Variants in TRIM16 observed in about 807,000 individuals in gnomAD.
TRIM16 encodes tripartite motif containing 16.
A neutral mutation model predicts 50.4 loss-of-function variants in TRIM16; 33 were observed. The ratio of observed to expected loss-of-function variants is 0.65; its 90% CI spans 0.50 to 0.88. The LOEUF is 0.88. Among genes scored for constraint, TRIM16 ranks in the 40% least tolerant of loss-of-function variants. The pLI, the probability that TRIM16 is intolerant of heterozygous loss-of-function variation, is 0.00. For missense variants in TRIM16, 581 were observed against 686.8 expected, an observed-to-expected ratio of 0.85 and a Z score of 1.72; for synonymous variants, 229 against 270.7, an observed-to-expected ratio of 0.85 and a Z score of 1.51.
chr17:15,670,693 A>G (rs1331550181), intron 6 of TRIM16, among the ~76,000 whole-genome samples: 3 of 151,794 alleles, frequency 2.0e-5, no homozygotes, highest in Non-Finnish European at 2.9e-5. Flanking sequence ...TTTCTATACA[A>G]TTGTAAGTAT....
In TRIM16 at chr17:15,637,916, T is replaced by C. The variant is rs946112617; in HGVS notation, c.616-1647A>G. Among the ~76,000 whole-genome samples the C allele has an allele frequency of 1.8e-4, 26 of 142,048 alleles. 1 individual carries two copies. The highest frequency in any genetic ancestry group is 3.8e-4 in the Non-Finnish European group (25 of 64,950). 93.2% of individuals were successfully genotyped at this position (142,048 alleles called of 152,430 possible). ...TGTTCTGCACTAAGAAAAATTCCTC[T>C]GCTTTGGGATCCTGTTGATCTGTGA... On this transcript the variant is annotated intron_variant, in intron 8 of 11. Transcript: ENST00000649191.
At chr17:15,680,605 G>A (rs1296386556) in intron 4 of TRIM16, among the ~76,000 whole-genome samples, 1 of 151,998 alleles carries the variant, frequency 6.6e-6, no homozygotes, top group African/African-American at 2.4e-5. Flanking sequence ...GCCAACTGAT[G>A]GGCGAGGCTA....
chr17:15,679,487 G>GC (rs202211538), intron 4 of TRIM16, among the ~76,000 whole-genome samples: 2,634 of 152,234 alleles, frequency 0.017, 74 homozygotes, highest in African/African-American at 0.061. Context: ...AGCAATAAAG[G>GC]CCCATTACAC....
intron 6 of TRIM16, among the ~76,000 whole-genome samples, chr17:15,669,803 T>G (rs1988650109): frequency 6.6e-6 from 1 of 152,224 alleles, no homozygotes; most frequent in Non-Finnish European, 1.5e-5. Context: ...GCTACTGCCG[T>G]TTTGGGTGGG....
intron 8 of TRIM16, among the ~76,000 whole-genome samples, chr17:15,639,965 A>C (rs1597614733): frequency 6.7e-6 from 1 of 149,248 alleles, no homozygotes. Flanking sequence ...AATCATAAAA[A>C]CAACCAACAT....
chr17:15,659,019 G>C (rs1032794088), intron 6 of TRIM16: 1 of 305,880 alleles, frequency 3.3e-6, no homozygotes, highest in Non-Finnish European at 4.8e-6. Context: ...TTGTAATGAC[G>C]GCTCCTCCGC....
intron 6 of TRIM16, among the ~76,000 whole-genome samples, chr17:15,661,979 C>A (rs1346408367): frequency 1.3e-5 from 2 of 152,194 alleles, no homozygotes; most frequent in Non-Finnish European, 2.9e-5. Flanking sequence ...GTTCTAAATA[C>A]CTCCTGGAAG....
At chr17:15,679,649 C>A (rs1255660648) in intron 4 of TRIM16, among the ~76,000 whole-genome samples, 2 of 152,088 alleles carry the variant, frequency 1.3e-5, no homozygotes, top group African/African-American at 2.4e-5. Context: ...AAGAAATAGG[C>A]CAAGCTGGCC....
intron 8 of TRIM16, among the ~76,000 whole-genome samples, chr17:15,642,143 C>T (rs1438450273): frequency 6.7e-6 from 1 of 149,184 alleles, no homozygotes; most frequent in Non-Finnish European, 1.5e-5. Context: ...TGTGCCCGGC[C>T]TGTTTTGCAT....
At chr17:15,680,831 A>G (rs1989154886) in intron 4 of TRIM16, 34 bp downstream of exon 4, 2 of 1,516,044 alleles carry the variant, frequency 1.3e-6, no homozygotes, top group Non-Finnish European at 1.8e-6. Context: ...ATTAAAATAA[A>G]ATTTCCAAGA....
At chr17:15,664,578 T>C (rs1988391869) in intron 6 of TRIM16, among the ~76,000 whole-genome samples, 1 of 152,146 alleles carries the variant, frequency 6.6e-6, no homozygotes, top group Non-Finnish European at 1.5e-5. Flanking sequence ...CTGTTCTGTT[T>C]AGATCTGCGC....
Position 15,628,603 on chromosome 17 carries a change from G to A in TRIM16, c.*12C>T, listed in dbSNP as rs1253017148. On this transcript the variant is annotated 3_prime_UTR_variant, in exon 12 of 12. Coordinates refer to ENST00000649191, the MANE Select transcript of TRIM16 (RefSeq NM_001348119.1). The stretch of plus-strand genomic sequence containing the variant: ...TGTAGCTGGCAAAGGTCTGGGATAT[G>A]GCTCCTGGAGTCTAGGGAGCAGTCC... 4.4e-6 allele frequency: 7 copies of A among 1,577,786 alleles called. No homozygotes were observed. Among genetic ancestry groups the A allele is most frequent in the Non-Finnish European group, 1.7e-6 (2 of 1,158,770 alleles).
At chr17:15,638,852 C>T (rs1986979817) in intron 8 of TRIM16, among the ~76,000 whole-genome samples, 1 of 145,088 alleles carries the variant, frequency 6.9e-6, no homozygotes, top group Non-Finnish European at 1.5e-5. Flanking sequence ...AATGATGACA[C>T]CAGATAGGTC....
At chr17:15,670,585 C>T (rs1988684167) in intron 6 of TRIM16, among the ~76,000 whole-genome samples, 1 of 152,196 alleles carries the variant, frequency 6.6e-6, no homozygotes, top group African/African-American at 2.4e-5. Flanking sequence ...ATCTCCATCT[C>T]CTCACTTGCA....
chr17:15,657,586 G>A (rs1988035844), intron 6 of TRIM16, among the ~76,000 whole-genome samples: 15 of 152,146 alleles, frequency 9.9e-5, no homozygotes, highest in Admixed American at 9.8e-4. Flanking sequence ...TCTACTTTCT[G>A]TCTATAATTG....
intron 7 of TRIM16, among the ~76,000 whole-genome samples, chr17:15,649,399 A>G (rs879723521): frequency 1.8e-4 from 27 of 151,942 alleles, no homozygotes; most frequent in East Asian, 1.9e-4. Flanking sequence ...TGATTCTCCT[A>G]CTGCAGCCTC....
intron 8 of TRIM16, among the ~76,000 whole-genome samples, chr17:15,637,257 G>A (rs1258299062): frequency 9.3e-4 from 108 of 116,108 alleles, no homozygotes; most frequent in African/African-American, 1.5e-3. Flanking sequence ...CGCCCCGTCC[G>A]GGAGGTGAGG....
intron 6 of TRIM16, among the ~76,000 whole-genome samples, chr17:15,675,208 T>C (rs1385205080): frequency 6.6e-6 from 1 of 152,208 alleles, no homozygotes; most frequent in Admixed American, 6.5e-5. Flanking sequence ...TTCACTTGGA[T>C]TTGTGATATT....
chr17:15,634,125 C>T (rs940280217), intron 9 of TRIM16, among the ~76,000 whole-genome samples: 8 of 146,280 alleles, frequency 5.5e-5, no homozygotes, highest in East Asian at 2.2e-4. Context: ...GTCAGGAGAT[C>T]GAGACCATTC....
Sources: allele counts gnomAD v4.1 joint callset (sites outside exome capture counted in the v4.1 genomes callset), GRCh38; gene constraint gnomAD v4.1.1; transcripts MANE v1.5; gene names NCBI Gene and HGNC (gene_info 2026-07-23, HGNC 2026-07-21).